Variants in DGKB observed in about 807,000 individuals in gnomAD.
The protein encoded by DGKB is 90 kDa diacylglycerol kinase.
A neutral mutation model predicts 114.3 loss-of-function variants in DGKB; 67 were observed. That is an observed-to-expected ratio of 0.59 (90% CI 0.48 to 0.72). The LOEUF is 0.72. DGKB is among the 30% of genes least tolerant of loss of function. The probability of loss-of-function intolerance (pLI) is 0.00; values close to 1 mark genes in which losing one functional copy is unlikely to be tolerated. For missense variants in DGKB, 907 were observed against 975.2 expected, an observed-to-expected ratio of 0.93 and a Z score of 0.93; for synonymous variants, 398 against 323.1, an observed-to-expected ratio of 1.23 and a Z score of -2.49.
intron 23 of DGKB, among the ~76,000 whole-genome samples, chr7:14,276,668 A>C (rs1273814283): frequency 1.4e-5 from 2 of 144,760 alleles, no homozygotes; most frequent in East Asian, 4.0e-4. Context: ...GGTGCTTTTA[A>C]GTATTATAAA....
chr7:14,433,192 C>T (rs1828731584), intron 21 of DGKB, among the ~76,000 whole-genome samples: 1 of 152,142 alleles, frequency 6.6e-6, no homozygotes, highest in Non-Finnish European at 1.5e-5. Flanking sequence ...GGTTCCTTTG[C>T]TTCAGGGATT....
rs202099038 is a variant in DGKB at position 14,178,408 on chromosome 7, AC to A, written c.2123-258del. On this transcript the variant is annotated intron_variant, in intron 23 of 25. Coordinates refer to ENST00000402815, the MANE Select transcript of DGKB (RefSeq NM_001350709.2). ...AAGCACAGATTCTGAGCCAAATAAT[AC>A]CAAAAAAAAAAAAAAAAAACCCAGT... 7.9e-3 allele frequency among the ~76,000 whole-genome samples: 852 copies of A among 107,218 alleles called. 10 individuals carry two copies. The highest frequency in any genetic ancestry group is 0.048 in the African/African-American group (775 of 16,296). 70.3% of individuals were successfully genotyped at this position (107,218 alleles called of 152,430 possible).
rs1350024708 is a variant in DGKB, at chr7:14,178,103, T to A, written c.2171A>T (p.Glu724Val). The A allele has an allele frequency of 6.2e-7, 1 of 1,612,750 alleles. No individual in the cohort carries two copies. Among genetic ancestry groups the A allele is most frequent in the African/African-American group, 1.3e-5 (1 of 74,920 alleles). Residue 724 changes from glutamate (E) to valine (V), a missense_variant, in exon 24 of 26, where the codon GAG becomes GTG. By Grantham distance (121) the Glu-to-Val change is moderately radical (BLOSUM62 -2). Coordinates refer to ENST00000402815, the MANE Select transcript of DGKB (RefSeq NM_001350709.2). ...CAGGCCTGTGTATATTTGCCCCATC[T>A]CCATGGCTCCTTCCAAGCCGACCAC... is the stretch of plus-strand genomic sequence containing the variant. Reference protein sequence around the residue: ...LEVVGLEGAMEMGQIYTGLKS... With the variant: ...LEVVGLEGAMVMGQIYTGLKS...
Position 14,590,814 on chromosome 7 carries a change from G to T in DGKB, c.1434-7677C>A, listed in dbSNP as rs531152777. Among the ~76,000 whole-genome samples the T allele has an allele frequency of 1.2e-4, 19 of 152,156 alleles. 2 individuals are homozygous for T. In the South Asian group the frequency reaches 3.9e-3, roughly 32 times the overall value. On this transcript the variant is annotated intron_variant, in intron 17 of 25. Transcript: ENST00000402815. ...TGTAAATACACCTTACTATTCACAT[G>T]TTATTACTGATTTAATTATATTTTT...
At chr7:14,451,463 C>T (rs1831474287) in intron 21 of DGKB, among the ~76,000 whole-genome samples, 1 of 151,962 alleles carries the variant, frequency 6.6e-6, no homozygotes, top group Non-Finnish European at 1.5e-5. Context: ...TCCTTGATCT[C>T]CAGCTTACTG....
chr7:14,549,171 T>C (rs1794750480), intron 20 of DGKB, among the ~76,000 whole-genome samples: 1 of 151,990 alleles, frequency 6.6e-6, no homozygotes, highest in African/African-American at 2.4e-5. Context: ...CCCAAGGAAG[T>C]AAGAAAAACA....
chr7:14,269,517 T>C (rs761968371), intron 23 of DGKB, among the ~76,000 whole-genome samples: 1 of 152,202 alleles, frequency 6.6e-6, no homozygotes, highest in Non-Finnish European at 1.5e-5. Flanking sequence ...GTATATATTT[T>C]GAAGGCTATA....
intron 1 of DGKB, among the ~76,000 whole-genome samples, chr7:14,878,547 C>A (rs1156903941): frequency 6.6e-6 from 1 of 151,954 alleles, no homozygotes; most frequent in Non-Finnish European, 1.5e-5. Flanking sequence ...AAATGGAGAC[C>A]ATCCTGGCTA....
intron 15 of DGKB, among the ~76,000 whole-genome samples, chr7:14,618,258 T>G (rs924601019): frequency 6.6e-6 from 1 of 151,562 alleles, no homozygotes; most frequent in Admixed American, 6.6e-5. Context: ...TCTTGGTGAT[T>G]ACAAGAATAA....
chr7:14,714,909 G>C (rs141914784), intron 6 of DGKB, among the ~76,000 whole-genome samples: 9 of 152,142 alleles, frequency 5.9e-5, no homozygotes, highest in African/African-American at 1.9e-4. Flanking sequence ...GTGGGCAAGA[G>C]TAAAACAGTT....
chr7:14,342,089 A>G (rs961359392), intron 22 of DGKB, among the ~76,000 whole-genome samples: 1 of 151,818 alleles, frequency 6.6e-6, no homozygotes, highest in Non-Finnish European at 1.5e-5. Context: ...CAGGTTACTG[A>G]GCAATAAGAA....
intron 1 of DGKB, among the ~76,000 whole-genome samples, chr7:14,866,719 A>T (rs1380885595): frequency 7.2e-5 from 11 of 152,124 alleles, no homozygotes; most frequent in Non-Finnish European, 1.6e-4. Context: ...TTGTGGAAAT[A>T]ATTTTTCATA....
At chr7:14,479,099 A>G (rs1017426130) in intron 20 of DGKB, among the ~76,000 whole-genome samples, 3 of 152,104 alleles carry the variant, frequency 2.0e-5, no homozygotes, top group Non-Finnish European at 2.9e-5. Flanking sequence ...TAATCACTCA[A>G]ATGAGGAACT....
At chr7:14,417,026 T>A (rs574784909) in intron 21 of DGKB, among the ~76,000 whole-genome samples, 2 of 152,106 alleles carry the variant, frequency 1.3e-5, no homozygotes, top group Non-Finnish European at 2.9e-5. Context: ...TACATGTTCT[T>A]GATTATAAAG....
At chr7:14,900,792 T>A (rs1782899926) in intron 1 of DGKB, among the ~76,000 whole-genome samples, 1 of 152,166 alleles carries the variant, frequency 6.6e-6, no homozygotes, top group Non-Finnish European at 1.5e-5. Context: ...CAACTCCAAC[T>A]ACATAAGTTT....
chr7:14,146,477 TAGAAG>T lies in DGKB; in HGVS notation c.*2649_*2653del, dbSNP rs1382359391. 16 of 152,318 alleles carry T rather than the reference TAGAAG, an allele frequency of 1.1e-4. 1 individual carries two copies. Among genetic ancestry groups the T allele is most frequent in the South Asian group, 4.1e-4 (2 of 4,828 alleles). 9.4% of individuals were successfully genotyped at this position (152,318 alleles called of 1,614,324 possible). A position where few individuals can be genotyped will look rare whatever the true frequency, so the allele number is the denominator to read the frequency against. On this transcript the variant is annotated 3_prime_UTR_variant, in exon 26 of 26. Coordinates refer to ENST00000402815, the MANE Select transcript of DGKB (RefSeq NM_001350709.2). Reference sequence around the variant, plus strand: ...ATAGCTGAAAATTTATCTGCACACATAGAAGAGAAGTTTCCATCTTGTAAAGCTAA... The same window carrying T: ...ATAGCTGAAAATTTATCTGCACACATAGAAGTTTCCATCTTGTAAAGCTAA...
At chr7:14,669,704 G>A (rs776063117) in intron 13 of DGKB, among the ~76,000 whole-genome samples, 4 of 152,110 alleles carry the variant, frequency 2.6e-5, no homozygotes, top group Non-Finnish European at 5.9e-5. Context: ...TTTGGACTGA[G>A]CTCCTACAGG....
At chr7:14,897,203 C>T (rs1587290288) in intron 1 of DGKB, among the ~76,000 whole-genome samples, 2 of 151,786 alleles carry the variant, frequency 1.3e-5, no homozygotes, top group African/African-American at 4.8e-5. Context: ...ATACAGTTCA[C>T]ATAGATACAA....
At chr7:14,942,662 C>A (rs1161858406) in intron 1 of DGKB, among the ~76,000 whole-genome samples, 1 of 151,944 alleles carries the variant, frequency 6.6e-6, no homozygotes, top group Non-Finnish European at 1.5e-5. Context: ...GTTCCCTGAA[C>A]TCTCCAAACA....
Sources: gnomAD v4.1 joint callset for allele counts (sites outside exome capture counted in the v4.1 genomes callset) on GRCh38, gnomAD v4.1.1 for gene constraint, MANE v1.5 for transcripts, NCBI Gene and HGNC (gene_info 2026-07-23, HGNC 2026-07-21) for gene names.